The following NAA50 variants were observed in gnomAD, a reference collection of about 807,000 sequenced individuals.
NAA50 encodes N-alpha-acetyltransferase 50, NatE catalytic subunit.
Under a neutral mutation model 20.7 loss-of-function variants are expected in NAA50, and 7 were observed. That is an observed-to-expected ratio of 0.34 (90% CI 0.19 to 0.63). The LOEUF (loss-of-function observed/expected upper bound fraction) is 0.63, where lower values mean the gene tolerates loss of function less well. Ranked by LOEUF, NAA50 falls within the 30% of genes least tolerant of loss-of-function variation. The probability of loss-of-function intolerance (pLI) is 0.75; values close to 1 mark genes in which losing one functional copy is unlikely to be tolerated. For missense variants in NAA50, 111 were observed against 199.1 expected, an observed-to-expected ratio of 0.56 and a Z score of 2.66; for synonymous variants, 54 against 70.6, an observed-to-expected ratio of 0.77 and a Z score of 1.18.
Position 113,716,975 on chromosome 3 carries a change from T to C in NAA50, c.*4785A>G, listed in dbSNP as rs374821704. On this transcript the variant is annotated 3_prime_UTR_variant, in exon 5 of 5. Transcript: ENST00000240922. ...TCCCAACTATTTCTGAATCAGATCTTGCTGCTATTTTTTTCTTATTCTAGA... is the reference window on the plus strand; with the variant it reads ...TCCCAACTATTTCTGAATCAGATCTCGCTGCTATTTTTTTCTTATTCTAGA... 5 of 152,078 alleles carry C rather than the reference T, an allele frequency of 3.3e-5. No homozygotes were observed. The East Asian group carries it at 5.8e-4, about 18-fold the overall frequency. 9.4% of individuals were successfully genotyped at this position (152,078 alleles called of 1,614,324 possible).
intron 1 of NAA50, among the ~76,000 whole-genome samples, chr3:113,744,738 T>C (rs1708466156): frequency 6.6e-6 from 1 of 152,178 alleles, no homozygotes; most frequent in Non-Finnish European, 1.5e-5. Flanking sequence ...TTAGAATAAA[T>C]ATCCAGTATT....
intron 1 of NAA50, among the ~76,000 whole-genome samples, chr3:113,732,027 A>G (rs1198112618): frequency 1.3e-5 from 2 of 152,170 alleles, no homozygotes; most frequent in Non-Finnish European, 2.9e-5. Flanking sequence ...TAGCTTTTAA[A>G]AAAACTGTCT....
chr3:113,725,057 C>G (rs1708184585), intron 1 of NAA50, among the ~76,000 whole-genome samples: 2 of 152,136 alleles, frequency 1.3e-5, no homozygotes, highest in Admixed American at 1.3e-4. Flanking sequence ...AGGAGCATTC[C>G]TAAGAAACCA....
At chr3:113,731,741 CTTCT>C (rs1228308992) in intron 1 of NAA50, among the ~76,000 whole-genome samples, 1 of 152,132 alleles carries the variant, frequency 6.6e-6, no homozygotes, top group Non-Finnish European at 1.5e-5. Context: ...TTGCACTAGG[CTTCT>C]TTCATGTGGC....
chr3:113,721,689 G>C lies in NAA50; in HGVS notation c.*71C>G, dbSNP rs146114785. The C allele has an allele frequency of 4.9e-4, 731 of 1,495,998 alleles. 13 individuals carry two copies. In the East Asian group the frequency reaches 0.012, roughly 24 times the overall value. The allele number at this position is 1,495,998 out of a possible 1,614,324, so 92.7% of individuals were successfully genotyped here. ...AGCTTTAAAAGAAAAGTGTTGGGGTGGGGGAGGAATCAATGGGCCTCTCTT... is the reference window on the plus strand; with the variant it reads ...AGCTTTAAAAGAAAAGTGTTGGGGTCGGGGAGGAATCAATGGGCCTCTCTT... On this transcript the variant is annotated 3_prime_UTR_variant, in exon 5 of 5. Transcript: ENST00000240922.
At position 113,718,580 on chromosome 3, in the gene NAA50, C is replaced by G. The variant is rs189684140; in HGVS notation, c.*3180G>C. 1 of 152,120 alleles carries G rather than the reference C, an allele frequency of 6.6e-6. No individual in the cohort carries two copies. Among genetic ancestry groups the G allele is most frequent in the Non-Finnish European group, 1.5e-5 (1 of 68,012 alleles). The allele number at this position is 152,120 out of a possible 1,614,324, so 9.4% of individuals were successfully genotyped here. ...TCATGTTTGATAAAAAGCTTAAAAG[C>G]CAATTCCCAACTCATTGAACTACCG... On this transcript the variant is annotated 3_prime_UTR_variant, in exon 5 of 5. Coordinates refer to ENST00000240922, the MANE Select transcript of NAA50 (RefSeq NM_025146.4).
chr3:113,722,028 A>G, intron 4 of NAA50, 91 bp from the exon 5 acceptor site: 1 of 1,196,396 alleles, frequency 8.4e-7, no homozygotes, highest in Non-Finnish European at 1.2e-6. Context: ...AACATCTGTT[A>G]CATTCTCTTT....
intron 1 of NAA50, among the ~76,000 whole-genome samples, chr3:113,736,477 C>A (rs1411147494): frequency 2.0e-5 from 3 of 152,278 alleles, no homozygotes; most frequent in African/African-American, 7.2e-5. Flanking sequence ...TTAGACTATG[C>A]TAGTAAGAAA....
chr3:113,718,087 T>C lies in NAA50; in HGVS notation c.*3673A>G, dbSNP rs968355657. The stretch of plus-strand genomic sequence containing the variant: ...GAGGCTACGTCATAAAAAAGTATGG[T>C]TTCTGCTCACTTTCTTATATCACCT... On this transcript the variant is annotated 3_prime_UTR_variant, in exon 5 of 5. Coordinates refer to ENST00000240922, the MANE Select transcript of NAA50 (RefSeq NM_025146.4). 6.6e-6 allele frequency: 1 copy of C among 152,188 alleles called. No homozygotes were observed. Among genetic ancestry groups the C allele is most frequent in the Non-Finnish European group, 1.5e-5 (1 of 68,050 alleles). The allele number at this position is 152,188 out of a possible 1,614,324, so 9.4% of individuals were successfully genotyped here.
rs1367564745 is a variant in NAA50, at chr3:113,716,674, T to C, written c.*5086A>G. The C allele has an allele frequency of 6.6e-6, 1 of 152,226 alleles. No homozygotes were observed. The highest frequency in any genetic ancestry group is 2.4e-5 in the African/African-American group (1 of 41,460). 9.4% of individuals were successfully genotyped at this position (152,226 alleles called of 1,614,324 possible). On this transcript the variant is annotated 3_prime_UTR_variant, in exon 5 of 5. Coordinates refer to ENST00000240922, the MANE Select transcript of NAA50 (RefSeq NM_025146.4). ...GTGATTCAACATGTGCTTTAATTTA[T>C]ACTGCTTAGATCCTTTGAGTTCAGA...
rs1258070771 is a variant in NAA50, at chr3:113,716,618, CATT to C, written c.*5139_*5141del. The C allele has an allele frequency of 2.0e-5, 3 of 152,180 alleles. No individual in the cohort carries two copies. The highest frequency in any genetic ancestry group is 7.2e-5 in the African/African-American group (3 of 41,436). The allele number at this position is 152,180 out of a possible 1,614,324, so 9.4% of individuals were successfully genotyped here. On this transcript the variant is annotated 3_prime_UTR_variant, in exon 5 of 5. Transcript: ENST00000240922. The stretch of plus-strand genomic sequence containing the variant: ...GTATGGACAAAGAAACAAAGAAAAG[CATT>C]ATAATCAGATGTCCTACGAAAGCTA...
At chr3:113,745,186 G>GTT (rs1440110053) in intron 1 of NAA50, among the ~76,000 whole-genome samples, 1 of 152,132 alleles carries the variant, frequency 6.6e-6, no homozygotes, top group Non-Finnish European at 1.5e-5. Flanking sequence ...CTAATTTTAC[G>GTT]TAAGAGGCAA....
At chr3:113,737,957 C>T (rs1281995576) in intron 1 of NAA50, among the ~76,000 whole-genome samples, 1 of 152,128 alleles carries the variant, frequency 6.6e-6, no homozygotes, top group Non-Finnish European at 1.5e-5. Flanking sequence ...GTAATCCCAG[C>T]ATTTTGGGAA....
chr3:113,745,800 C>A, intron 1 of NAA50, 142 bp downstream of exon 1: 1 of 1,037,768 alleles, frequency 9.6e-7, no homozygotes, highest in Non-Finnish European at 1.3e-6. Flanking sequence ...CCTCCGGGAG[C>A]CGAGGGAACT....
intron 1 of NAA50, among the ~76,000 whole-genome samples, chr3:113,745,347 T>A (rs1400534849): frequency 6.6e-6 from 1 of 152,118 alleles, no homozygotes; most frequent in Non-Finnish European, 1.5e-5. Context: ...CTTAAATATG[T>A]TGGCACCCCA....
chr3:113,745,996 C>A lies in NAA50; in HGVS notation c.-47G>T. ...TCGTTACCACCGATATCAACGCCGT[C>A]GTAGTCGCCGCCCTTAGGTCTCCGC... On this transcript the variant is annotated 5_prime_UTR_variant, in exon 1 of 5. Transcript: ENST00000240922. 6.2e-7 allele frequency: 1 copy of A among 1,605,100 alleles called. No individual in the cohort carries two copies.
rs1307340815 is a variant in NAA50 at position 113,717,002 on chromosome 3, G to A, written c.*4758C>T. 2 of 152,060 alleles carry A rather than the reference G, an allele frequency of 1.3e-5. No homozygotes were observed. Among genetic ancestry groups the A allele is most frequent in the African/African-American group, 2.4e-5 (1 of 41,400 alleles). 9.4% of individuals were successfully genotyped at this position (152,060 alleles called of 1,614,324 possible). On this transcript the variant is annotated 3_prime_UTR_variant, in exon 5 of 5. Coordinates refer to ENST00000240922, the MANE Select transcript of NAA50 (RefSeq NM_025146.4). ...CTGCTATTTTTTTCTTATTCTAGAA[G>A]CTACTGAGCAAGGAAAATACCTTGA...
intron 1 of NAA50, among the ~76,000 whole-genome samples, chr3:113,728,079 TA>T (rs11429752): frequency 0.014 from 1,946 of 140,540 alleles, 30 homozygotes; most frequent in East Asian, 0.098. Context: ...AACACGGAGT[TA>T]AAAAAAAAAA....
chr3:113,737,823 G>T (rs1156882769), intron 1 of NAA50, among the ~76,000 whole-genome samples: 2 of 152,064 alleles, frequency 1.3e-5, no homozygotes, highest in African/African-American at 2.4e-5. Context: ...AACCAAAAGT[G>T]TCTTCAGACA....
Sources: allele counts gnomAD v4.1 joint callset (sites outside exome capture counted in the v4.1 genomes callset), GRCh38; gene constraint gnomAD v4.1.1; transcripts MANE v1.5; gene names NCBI Gene and HGNC (gene_info 2026-07-23, HGNC 2026-07-21).